AOAH: variants seen among roughly 807,000 people sequenced by gnomAD.
AOAH encodes acyloxyacyl hydrolase.
AOAH carries 64 observed loss-of-function variants against 92.2 expected under a neutral mutation model. That is an observed-to-expected ratio of 0.69 (90% CI 0.57 to 0.86). The LOEUF (loss-of-function observed/expected upper bound fraction) is 0.86. AOAH is among the 40% of genes least tolerant of loss of function. The pLI is 0.00. For synonymous variants in AOAH, 263 were observed against 254.5 expected (o/e 1.03, Z -0.32); for missense variants, 656 against 694.6 (o/e 0.94, Z 0.62).
At position 36,594,383 on chromosome 7, in the gene AOAH, C is replaced by T. The variant is rs372927648; in HGVS notation, c.894G>A (p.Trp298Ter). The stretch of plus-strand genomic sequence containing the variant: ...ATCCTGTAGCACCAGAGAGTTGGGG[C>T]CAGTCAAGCTCGTTGGTAAGGGCTG... ...LPTALTNELD[W>*]PQLSGATGFL... The change falls in exon 12 of 21, where the codon TGG becomes TGA. Residue 298 changes from tryptophan (W) to a stop codon, truncating the protein, a stop_gained. Transcript: ENST00000617537. LOFTEE classifies it high-confidence loss of function. The T allele has an allele frequency of 1.2e-5, 20 of 1,613,928 alleles. No homozygotes were observed. Among genetic ancestry groups the T allele is most frequent in the African/African-American group, 1.2e-4 (9 of 74,890 alleles).
rs1360363015 is a variant in AOAH, at chr7:36,613,090, A to AT, written c.846+3289dup. ...AGAGACTGGAGTATTTCTTAAAATA[A>AT]TTTTTTTTCTGGGAAGGCATATGTC... is the stretch of plus-strand genomic sequence containing the variant. On this transcript the variant is annotated intron_variant, in intron 11 of 20. Transcript: ENST00000617537. 8.6e-5 allele frequency among the ~76,000 whole-genome samples: 13 copies of AT among 151,954 alleles called. No homozygotes were observed. In the South Asian group the frequency reaches 1.2e-3, roughly 15 times the overall value.
intron 20 of AOAH, among the ~76,000 whole-genome samples, chr7:36,519,135 CT>C (rs1296054415): frequency 2.6e-5 from 4 of 152,208 alleles, no homozygotes; most frequent in Non-Finnish European, 4.4e-5. Context: ...CTATTTCTTT[CT>C]TGCTTGAGAA....
At chr7:36,650,117 CCCACCACCGTCTTGGAAGCGG>C in intron 4 of AOAH, among the ~76,000 whole-genome samples, 1 of 5,974 alleles carries the variant, frequency 1.7e-4, no homozygotes, top group Non-Finnish European at 2.8e-4. Flanking sequence ...TTGGAAGCGG[CCCACCACCGTCTTGGAAGCGG>C]CCCACCACCG....
chr7:36,525,316 G>C (rs1784347723), intron 19 of AOAH, among the ~76,000 whole-genome samples: 1 of 152,170 alleles, frequency 6.6e-6, no homozygotes, highest in African/African-American at 2.4e-5. Flanking sequence ...GGGAAACACA[G>C]TTTAAACAAT....
chr7:36,562,258 C>T (rs368522694), intron 13 of AOAH, among the ~76,000 whole-genome samples: 1 of 152,170 alleles, frequency 6.6e-6, no homozygotes, highest in East Asian at 1.9e-4. Flanking sequence ...CTTTCTTCCC[C>T]TGTACATAGA....
At chr7:36,527,197 GACT>G (rs1199688116) in intron 19 of AOAH, among the ~76,000 whole-genome samples, 1 of 152,174 alleles carries the variant, frequency 6.6e-6, no homozygotes, top group Non-Finnish European at 1.5e-5. Flanking sequence ...TTCAGTGCTG[GACT>G]GAGGCTGTCA....
intron 6 of AOAH, among the ~76,000 whole-genome samples, chr7:36,627,430 G>C (rs976315049): frequency 2.0e-5 from 3 of 152,122 alleles, no homozygotes; most frequent in Non-Finnish European, 4.4e-5. Context: ...TCCCAGTTCT[G>C]CTGTCTCCTT....
At chr7:36,628,573 G>A (rs951430755) in intron 6 of AOAH, among the ~76,000 whole-genome samples, 1 of 152,152 alleles carries the variant, frequency 6.6e-6, no homozygotes, top group East Asian at 1.9e-4. Context: ...GGGATAAGGC[G>A]GAGCAGGCAC....
intron 3 of AOAH, 113 bp downstream of exon 3, chr7:36,673,830 A>C: frequency 1.4e-6 from 1 of 693,646 alleles, no homozygotes; most frequent in East Asian, 2.8e-5. Flanking sequence ...TAACACCTCG[A>C]GCCCTGTCCA....
chr7:36,527,492 C>T (rs1044966608), intron 19 of AOAH, among the ~76,000 whole-genome samples: 2 of 151,764 alleles, frequency 1.3e-5, no homozygotes, highest in Non-Finnish European at 2.9e-5. Flanking sequence ...ATACCTTCCT[C>T]GAAGGAACTC....
At chr7:36,699,737 C>T (rs1797923619) in intron 1 of AOAH, among the ~76,000 whole-genome samples, 1 of 149,930 alleles carries the variant, frequency 6.7e-6, no homozygotes, top group African/African-American at 2.5e-5. Flanking sequence ...TTCTCCCATT[C>T]TGTGGGTTAT....
At chr7:36,540,932 G>C (rs1339733237) in intron 15 of AOAH, among the ~76,000 whole-genome samples, 1 of 152,210 alleles carries the variant, frequency 6.6e-6, no homozygotes, top group Non-Finnish European at 1.5e-5. Context: ...TTTAGGGGCT[G>C]TTTGTTCCTT....
chr7:36,663,309 A>G lies in AOAH; in HGVS notation c.291-4044T>C, dbSNP rs560503628. Reference sequence around the variant, plus strand: ...TTAAAATTGATAAACCCGCATTGACACATTATCATCGTCCAAAGTGTTTAG... The same window carrying G: ...TTAAAATTGATAAACCCGCATTGACGCATTATCATCGTCCAAAGTGTTTAG... On this transcript the variant is annotated intron_variant, in intron 3 of 20. Transcript: ENST00000617537. Among the ~76,000 whole-genome samples, 7 of 152,320 alleles carry G rather than the reference A, an allele frequency of 4.6e-5. No homozygotes were observed. The South Asian group carries it at 1.5e-3, about 32-fold the overall frequency.
At chr7:36,543,487 G>T (rs1785561447) in intron 15 of AOAH, among the ~76,000 whole-genome samples, 1 of 151,844 alleles carries the variant, frequency 6.6e-6, no homozygotes, top group African/African-American at 2.4e-5. Context: ...GCCACGCTTT[G>T]GCACAAAGCA....
intron 1 of AOAH, among the ~76,000 whole-genome samples, chr7:36,705,631 C>G (rs1343669622): frequency 6.6e-6 from 1 of 152,102 alleles, no homozygotes; most frequent in African/African-American, 2.4e-5. Context: ...TAGAAAAAAA[C>G]TACTTTAAAT....
At chr7:36,574,897 T>C (rs1022717378) in intron 13 of AOAH, among the ~76,000 whole-genome samples, 2 of 152,190 alleles carry the variant, frequency 1.3e-5, no homozygotes, top group Non-Finnish European at 2.9e-5. Flanking sequence ...CTAAACTGTA[T>C]GATTGAATTT....
chr7:36,675,253 T>A (rs796904084), intron 2 of AOAH, among the ~76,000 whole-genome samples: 2 of 152,310 alleles, frequency 1.3e-5, no homozygotes, highest in African/African-American at 4.8e-5. Context: ...TGAAACTCCG[T>A]CTCAAATAAA....
chr7:36,621,827 T>C, intron 7 of AOAH, 47 bp from the exon 8 acceptor site: 1 of 1,561,650 alleles, frequency 6.4e-7, no homozygotes, highest in Non-Finnish European at 8.8e-7. Flanking sequence ...TGCTTTGATG[T>C]TATCCACGAG....
chr7:36,550,872 C>A (rs1173010898), intron 13 of AOAH, among the ~76,000 whole-genome samples: 3 of 152,062 alleles, frequency 2.0e-5, no homozygotes, highest in African/African-American at 7.2e-5. Flanking sequence ...AAAAGGGCAG[C>A]GTGTAGCCAT....
Sources: gnomAD v4.1 joint callset for allele counts (sites outside exome capture counted in the v4.1 genomes callset) on GRCh38, gnomAD v4.1.1 for gene constraint, MANE v1.5 for transcripts, NCBI Gene and HGNC (gene_info 2026-07-23, HGNC 2026-07-21) for gene names.